The following RAP1GDS1 variants were observed in gnomAD, a reference collection of about 807,000 sequenced individuals.
The protein encoded by RAP1GDS1 is RAP1, GTP-GDP dissociation stimulator 1.
RAP1GDS1 carries 35 observed loss-of-function variants against 71.1 expected under a neutral mutation model. The observed-to-expected ratio is 0.49, with a 90% CI of 0.38 to 0.65. RAP1GDS1 has a LOEUF of 0.65. Among genes scored for constraint, RAP1GDS1 ranks in the 30% least tolerant of loss-of-function variants. The pLI is 0.00. For synonymous variants in RAP1GDS1, 229 were observed against 243.1 expected (o/e 0.94, Z 0.54); for missense variants, 663 against 706.1 (o/e 0.94, Z 0.69).
intron 2 of RAP1GDS1, among the ~76,000 whole-genome samples, chr4:98,316,906 C>T (rs1731023344): frequency 6.6e-6 from 1 of 152,070 alleles, no homozygotes; most frequent in African/African-American, 2.4e-5. Flanking sequence ...AAAACTAGGT[C>T]TGAGGGGGAA....
Position 98,308,825 on chromosome 4 carries a change from A to G in RAP1GDS1, c.112+15310A>G, listed in dbSNP as rs115178833. Among the ~76,000 whole-genome samples, 370 of 152,250 alleles carry G rather than the reference A, an allele frequency of 2.4e-3. 1 individual carries two copies. Among genetic ancestry groups the G allele is most frequent in the Non-Finnish European group, 3.8e-3 (259 of 67,996 alleles). ...TGTGTATATCTTAGAAAAAATGACT[A>G]TTAAAACATCTGACAAACATAGGAG... On this transcript the variant is annotated intron_variant, in intron 2 of 14. Transcript: ENST00000408927.
chr4:98,319,532 G>C (rs891374950), intron 2 of RAP1GDS1, among the ~76,000 whole-genome samples: 1 of 152,020 alleles, frequency 6.6e-6, no homozygotes, highest in Non-Finnish European at 1.5e-5. Context: ...TGTAATCCCA[G>C]CACTTTGGGA....
chr4:98,264,143 C>T (rs908216714), intron 1 of RAP1GDS1, among the ~76,000 whole-genome samples: 1 of 152,146 alleles, frequency 6.6e-6, no homozygotes, highest in Non-Finnish European at 1.5e-5. Context: ...GCCGGGCGCG[C>T]ACTTTGGGAG....
chr4:98,304,228 G>T (rs1728990139), intron 2 of RAP1GDS1, among the ~76,000 whole-genome samples: 1 of 152,136 alleles, frequency 6.6e-6, no homozygotes, highest in Admixed American at 6.6e-5. Context: ...GGGATTGCTG[G>T]GTCAAATGGT....
chr4:98,283,898 G>T (rs956592402), intron 1 of RAP1GDS1, among the ~76,000 whole-genome samples: 1 of 151,038 alleles, frequency 6.6e-6, no homozygotes, highest in Admixed American at 6.6e-5. Context: ...AACGTGTTTG[G>T]ATTATAAATT....
intron 12 of RAP1GDS1, among the ~76,000 whole-genome samples, chr4:98,428,657 A>G (rs1330173066): frequency 2.0e-5 from 3 of 152,152 alleles, no homozygotes; most frequent in African/African-American, 7.2e-5. Context: ...CACCTTACCC[A>G]TGCAAGAATG....
At chr4:98,391,709 G>A (rs538978763) in intron 5 of RAP1GDS1, among the ~76,000 whole-genome samples, 1 of 152,160 alleles carries the variant, frequency 6.6e-6, no homozygotes, top group Admixed American at 6.5e-5. Context: ...ATTTGATATA[G>A]TCTTCAAACT....
rs375372715 is a variant in RAP1GDS1 at position 98,288,989 on chromosome 4, G to C, written c.5-4419G>C. On this transcript the variant is annotated intron_variant, in intron 1 of 14. Coordinates refer to ENST00000408927, the MANE Select transcript of RAP1GDS1 (RefSeq NM_001100427.2). ...ACAGTAGTCCCCCTTTATCCACAGGGATATGTTCCAAGATCAAGAGGCATG... is the reference window on the plus strand; with the variant it reads ...ACAGTAGTCCCCCTTTATCCACAGGCATATGTTCCAAGATCAAGAGGCATG... Among the ~76,000 whole-genome samples the C allele has an allele frequency of 1.3e-3, 204 of 152,230 alleles. 3 individuals are homozygous for C. The highest frequency in any genetic ancestry group is 3.8e-3 in the African/African-American group (158 of 41,550).
intron 2 of RAP1GDS1, among the ~76,000 whole-genome samples, chr4:98,303,820 C>T (rs1167990576): frequency 1.3e-5 from 2 of 151,988 alleles, no homozygotes; most frequent in Non-Finnish European, 1.5e-5. Flanking sequence ...TTAAGCCCCA[C>T]ATGCATTAGC....
At chr4:98,277,508 C>T (rs1025360814) in intron 1 of RAP1GDS1, among the ~76,000 whole-genome samples, 3 of 152,124 alleles carry the variant, frequency 2.0e-5, no homozygotes. Context: ...GTCATAACAC[C>T]AGTATATCTT....
At chr4:98,335,698 G>A (rs535078249) in intron 2 of RAP1GDS1, among the ~76,000 whole-genome samples, 4 of 151,108 alleles carry the variant, frequency 2.6e-5, no homozygotes, top group Admixed American at 6.6e-5. Flanking sequence ...ATGCTAGACC[G>A]TAGTGATAGT....
chr4:98,298,892 GAGA>G (rs1398244594), intron 2 of RAP1GDS1, among the ~76,000 whole-genome samples: 2 of 152,104 alleles, frequency 1.3e-5, no homozygotes, highest in Non-Finnish European at 2.9e-5. Flanking sequence ...TGATTCATGG[GAGA>G]AGGTCAAAAT....
chr4:98,264,318 C>G (rs1578233829), intron 1 of RAP1GDS1, among the ~76,000 whole-genome samples: 1 of 152,038 alleles, frequency 6.6e-6, no homozygotes. Flanking sequence ...ATCACTTGAA[C>G]CCGGGAGGCG....
At chr4:98,326,711 A>G (rs1225215760) in intron 2 of RAP1GDS1, among the ~76,000 whole-genome samples, 1 of 152,104 alleles carries the variant, frequency 6.6e-6, no homozygotes, top group Non-Finnish European at 1.5e-5. Flanking sequence ...TGGGGAAGTT[A>G]TAAGATTAGA....
chr4:98,351,028 A>T (rs1461064258), intron 3 of RAP1GDS1, among the ~76,000 whole-genome samples: 1 of 152,144 alleles, frequency 6.6e-6, no homozygotes. Context: ...AAAAGATTTG[A>T]AATCTATGAA....
chr4:98,293,570 AT>A, intron 2 of RAP1GDS1, 55 bp downstream of exon 2: 2 of 1,265,494 alleles, frequency 1.6e-6, no homozygotes, highest in Non-Finnish European at 2.3e-6. Flanking sequence ...ATCAGTAGTC[AT>A]TCAGAAACTG....
chr4:98,435,986 G>A (rs1352448836), intron 13 of RAP1GDS1, among the ~76,000 whole-genome samples: 5 of 151,402 alleles, frequency 3.3e-5, no homozygotes, highest in African/African-American at 1.2e-4. Context: ...CAGGAGAATG[G>A]CGTGAACCCA....
At chr4:98,395,065 C>A (rs1317033780) in intron 6 of RAP1GDS1, among the ~76,000 whole-genome samples, 1 of 151,998 alleles carries the variant, frequency 6.6e-6, no homozygotes, top group Non-Finnish European at 1.5e-5. Context: ...TATAGGATTT[C>A]TATTATTCAT....
Position 98,318,290 on chromosome 4 carries a change from C to T in RAP1GDS1, c.112+24775C>T, listed in dbSNP as rs115818237. 7.7e-3 allele frequency among the ~76,000 whole-genome samples: 1,173 copies of T among 152,232 alleles called. 14 individuals are homozygous for T. The highest frequency in any genetic ancestry group is 0.027 in the African/African-American group (1,122 of 41,530). On this transcript the variant is annotated intron_variant, in intron 2 of 14. Transcript: ENST00000408927. Reference sequence around the variant, plus strand: ...GATCCTCAGGGGATGCGTTCCTAGACCCACAGTAGATGCCTGAAACTGTGG... The same window carrying T: ...GATCCTCAGGGGATGCGTTCCTAGATCCACAGTAGATGCCTGAAACTGTGG...
Sources: allele counts gnomAD v4.1 joint callset (sites outside exome capture counted in the v4.1 genomes callset), GRCh38; gene constraint gnomAD v4.1.1; transcripts MANE v1.5; gene names NCBI Gene and HGNC (gene_info 2026-07-23, HGNC 2026-07-21).